Variants in ASGR2 observed in about 807,000 individuals in gnomAD.
The protein encoded by ASGR2 is C-type lectin domain family 4 member H2.
A neutral mutation model predicts 32.3 loss-of-function variants in ASGR2; 34 were observed. That is an observed-to-expected ratio of 1.05 (90% CI 0.80 to 1.40). The LOEUF (loss-of-function observed/expected upper bound fraction) is 1.40, where lower values mean the gene tolerates loss of function less well. Among genes scored for constraint, ASGR2 ranks in the 40% most tolerant of loss-of-function variants. ASGR2 has a pLI of 0.00. For missense variants in ASGR2, 385 were observed against 386.4 expected (o/e 1.00, Z 0.03); for synonymous variants, 143 against 150.0 (o/e 0.95, Z 0.34).
In ASGR2 at chr17:7,114,409, C is replaced by T; in HGVS notation, c.-70-99G>A. ...TGGCCTGGGTAGGATCTGAGGTTGG[C>T]AGGGCGTTTGGGATGAGGTTTGAAA... On this transcript the variant is annotated intron_variant, in intron 1 of 8. Transcript: ENST00000691900. This position sits in a 1 kb window ranked among gnomAD's most constrained non-coding sequence, Gnocchi z 4.5. 1 of 1,433,490 alleles carries T rather than the reference C, an allele frequency of 7.0e-7. No individual in the cohort carries two copies. Among genetic ancestry groups the T allele is most frequent in the Non-Finnish European group, 9.1e-7 (1 of 1,097,948 alleles). The allele number at this position is 1,433,490 out of a possible 1,614,324, so 88.8% of individuals were successfully genotyped here.
rs1276575046 is a variant in ASGR2, at chr17:7,114,017, G to A, written c.124+100C>T. 5.2e-6 allele frequency: 8 copies of A among 1,541,018 alleles called. No individual in the cohort carries two copies. The Admixed American group carries it at 1.4e-4, about 27-fold the overall frequency. On this transcript the variant is annotated intron_variant, in intron 2 of 8. Transcript: ENST00000691900. This position sits in a 1 kb window ranked among gnomAD's most constrained non-coding sequence, Gnocchi z 4.5. The stretch of plus-strand genomic sequence containing the variant: ...AAGCGGGGGTGTCGGGCCCTCCTCA[G>A]TCCCTGTTCACAGAGTGGGTGCGGC...
intron 2 of ASGR2, among the ~76,000 whole-genome samples, chr17:7,112,243 G>A (rs1299079079): frequency 1.4e-5 from 2 of 147,808 alleles, no homozygotes; most frequent in Non-Finnish European, 3.0e-5. Context: ...GAAAAAGGGG[G>A]TAGCAGAAAA....
At chr17:7,104,109 G>T (rs1439383664) in intron 7 of ASGR2, among the ~76,000 whole-genome samples, 1 of 152,004 alleles carries the variant, frequency 6.6e-6, no homozygotes, top group Non-Finnish European at 1.5e-5. Context: ...AGCACTATGG[G>T]AGGCCAAGGC....
rs57814106 is a variant in ASGR2 at position 7,114,519 on chromosome 17, C to G, written c.-71+96G>C. The G allele has an allele frequency of 0.18, 219,599 of 1,237,292 alleles. 19,861 individuals are homozygous for G. The highest frequency in any genetic ancestry group is 0.2 in the East Asian group (4,967 of 25,256). 76.6% of individuals were successfully genotyped at this position (1,237,292 alleles called of 1,614,324 possible). A position where few individuals can be genotyped will look rare whatever the true frequency, so the allele number is the denominator to read the frequency against. ...CCCTCCCCACGCTCATGGACCCGACCACCCACAGCTTCCCATGGGGTCCTC... is the reference window on the plus strand; with the variant it reads ...CCCTCCCCACGCTCATGGACCCGACGACCCACAGCTTCCCATGGGGTCCTC... On this transcript the variant is annotated intron_variant, in intron 1 of 8. Coordinates refer to ENST00000691900, the MANE Select transcript of ASGR2 (RefSeq NM_001201352.2). The surrounding 1 kb of genome is among the most constrained non-coding windows in gnomAD (Gnocchi z 4.5).
rs1914192252 is a variant in ASGR2, at chr17:7,108,639, C to A, written c.242-82G>T. 2 of 1,600,952 alleles carry A rather than the reference C, an allele frequency of 1.2e-6. No homozygotes were observed. The highest frequency in any genetic ancestry group is 1.7e-6 in the Non-Finnish European group (2 of 1,171,728). On this transcript the variant is annotated intron_variant, in intron 3 of 8. Transcript: ENST00000691900. This position sits in a 1 kb window ranked among gnomAD's most constrained non-coding sequence, Gnocchi z 4.9. ...TCCATGTGACTGGCCCCTCAATGTC[C>A]CCGCATTTGCCCCAGCTTGTGCTCC...
Position 7,107,330 on chromosome 17 carries a change from G to A in ASGR2, c.410-13C>T. 6.2e-7 allele frequency: 1 copy of A among 1,611,104 alleles called. No individual in the cohort carries two copies. The highest frequency in any genetic ancestry group is 8.5e-7 in the Non-Finnish European group (1 of 1,179,882). ...AGGGCATCGTGATCTAGGACAGACA[G>A]GCTGAAAGTGCTGCCGGCAGGTGTG... is the stretch of plus-strand genomic sequence containing the variant. On this transcript the variant is annotated splice_polypyrimidine_tract_variant and intron_variant, in intron 5 of 8. Transcript: ENST00000691900. This position sits in a 1 kb window ranked among gnomAD's most constrained non-coding sequence, Gnocchi z 5.0.
intron 2 of ASGR2, among the ~76,000 whole-genome samples, chr17:7,109,544 C>A (rs4572460): frequency 1.3e-5 from 2 of 152,090 alleles, no homozygotes; most frequent in African/African-American, 4.8e-5. Context: ...CCCCAGCGCC[C>A]TTTGCCCTCG....
intron 7 of ASGR2, among the ~76,000 whole-genome samples, chr17:7,102,576 T>G (rs958559387): frequency 4.6e-5 from 7 of 152,110 alleles, no homozygotes; most frequent in East Asian, 3.9e-4. Flanking sequence ...ATTCCCAGCT[T>G]ATGGCTCTAC....
At chr17:7,101,904 T>A (rs913099475) in intron 8 of ASGR2, among the ~76,000 whole-genome samples, 164 bp from the exon 9 acceptor site, 1 of 152,178 alleles carries the variant, frequency 6.6e-6, no homozygotes, top group Non-Finnish European at 1.5e-5. Context: ...AGATGTTTCC[T>A]ATGCCCAGTC....
chr17:7,102,042 C>T (rs200958931), intron 8 of ASGR2, 48 bp downstream of exon 8: 3 of 1,560,488 alleles, frequency 1.9e-6, no homozygotes, highest in Admixed American at 1.7e-5. Context: ...GGCCAGGGGG[C>T]TGTCCCCAGA....
intron 7 of ASGR2, among the ~76,000 whole-genome samples, chr17:7,106,357 A>T (rs7216670): frequency 0.35 from 53,365 of 152,064 alleles, 9,858 homozygotes; most frequent in South Asian, 0.42. Context: ...ACCGTCCACC[A>T]CGAAGTTGTA....
At chr17:7,106,699 C>T (rs1225703397) in intron 7 of ASGR2, among the ~76,000 whole-genome samples, 2 of 151,846 alleles carry the variant, frequency 1.3e-5, no homozygotes, top group African/African-American at 4.8e-5. Flanking sequence ...GTCAGGAGTT[C>T]CAGACCAGCC....
intron 7 of ASGR2, among the ~76,000 whole-genome samples, chr17:7,103,629 T>C (rs1339171674): frequency 1.3e-5 from 2 of 151,888 alleles, no homozygotes; most frequent in African/African-American, 4.8e-5. Flanking sequence ...ACAAAAGTAA[T>C]GGAGAAAATC....
Position 7,107,952 on chromosome 17 carries a change from TCCTCA to T in ASGR2, c.338-50_338-46del, listed in dbSNP as rs763381258. On this transcript the variant is annotated intron_variant, in intron 4 of 8. Transcript: ENST00000691900. The surrounding 1 kb of genome is among the most constrained non-coding windows in gnomAD (Gnocchi z 5.0). ...TGTTTCCCCGCTGAGCCTCCCTCCGTCCTCATGCTGCTGGGGGACCGGGGGCCAGC... is the reference window on the plus strand; with the variant it reads ...TGTTTCCCCGCTGAGCCTCCCTCCGTTGCTGCTGGGGGACCGGGGGCCAGC... The T allele has an allele frequency of 3.0e-5, 49 of 1,609,150 alleles. No homozygotes were observed. The Admixed American group carries it at 8.2e-4, about 27-fold the overall frequency.
At chr17:7,106,903 CAAA>C (rs66599223) in intron 7 of ASGR2, 94 bp downstream of exon 7, 1,536 of 1,303,890 alleles carry the variant, frequency 1.2e-3, no homozygotes, top group Admixed American at 2.2e-3. Context: ...GACTCCATCT[CAAA>C]AAAAAAAAAA....
At position 7,108,500 on chromosome 17, in the gene ASGR2, G is replaced by T; in HGVS notation, c.299C>A (p.Ser100Ter). Residue 100 changes from serine to a stop codon, truncating the protein, a stop_gained, in exon 4 of 9, where the codon TCG becomes TAG. Transcript: ENST00000691900. LOFTEE classifies it high-confidence loss of function. This position sits in a 1 kb window ranked among gnomAD's most constrained non-coding sequence, Gnocchi z 4.9. ...TGCCTGGACCTCCGTCAGGGTGCTC[G>T]AGGAGAAGTTGCTGAAAGCTTCCTT... is the stretch of plus-strand genomic sequence containing the variant. The part of the protein sequence containing the change: ...SLKEAFSNFS[S>*]STLTEVQAIS... 6.2e-7 allele frequency: 1 copy of T among 1,609,398 alleles called. No individual in the cohort carries two copies. The highest frequency in any genetic ancestry group is 8.5e-7 in the Non-Finnish European group (1 of 1,178,098).
intron 7 of ASGR2, 35 bp from the exon 8 acceptor site, chr17:7,102,231 C>T: frequency 1.9e-6 from 3 of 1,567,344 alleles, no homozygotes; most frequent in Non-Finnish European, 2.6e-6. Flanking sequence ...TTTCTAGTCT[C>T]TTGTGCCTTT....
At chr17:7,102,831 C>G (rs970769008) in intron 7 of ASGR2, among the ~76,000 whole-genome samples, 1 of 152,202 alleles carries the variant, frequency 6.6e-6, no homozygotes, top group Non-Finnish European at 1.5e-5. Flanking sequence ...TATGATCTAG[C>G]TACGTGGAGT....
In ASGR2 at chr17:7,107,304, C is replaced by T; in HGVS notation, c.423G>A (p.Leu141=). ...QQDLKADHDA[L]LFHLKHFPVD... is the part of the protein sequence containing the mutation. ...CGGGGAAGTGCTTCAGATGGAAGAG[C>T]AGGGCATCGTGATCTAGGACAGACA... The change falls in exon 6 of 9, where the codon CTG becomes CTA. Residue 141 remains leucine (L), a synonymous_variant. Transcript: ENST00000691900. This position sits in a 1 kb window ranked among gnomAD's most constrained non-coding sequence, Gnocchi z 5.0. The T allele has an allele frequency of 6.2e-7, 1 of 1,613,464 alleles. No homozygotes were observed. The highest frequency in any genetic ancestry group is 2.2e-5 in the East Asian group (1 of 44,890).
Sources: allele counts gnomAD v4.1 joint callset (sites outside exome capture counted in the v4.1 genomes callset), GRCh38; gene constraint gnomAD v4.1.1; non-coding constraint Gnocchi (gnomAD v3.1); transcripts MANE v1.5; gene names NCBI Gene and HGNC (gene_info 2026-07-23, HGNC 2026-07-21).